NCOA2: variants seen among roughly 807,000 people sequenced by gnomAD.
NCOA2 encodes class E basic helix-loop-helix protein 75.
A neutral mutation model predicts 145.1 loss-of-function variants in NCOA2; 21 were observed. The observed-to-expected ratio is 0.14, with a 90% CI of 0.10 to 0.21. NCOA2 has a LOEUF of 0.21. NCOA2 is among the 10% of genes least tolerant of loss of function. The pLI is 1.00. For synonymous variants in NCOA2, 619 were observed against 637.5 expected (o/e 0.97, Z 0.44); for missense variants, 1,472 against 1,837.6 (o/e 0.80, Z 3.64).
chr8:70,273,804 G>A (rs1825254532), intron 2 of NCOA2: 3 of 576,130 alleles, frequency 5.2e-6, no homozygotes, highest in Admixed American at 1.9e-5. Context: ...AGATCTTGTG[G>A]AGAATTTGGA....
chr8:70,168,988 G>A (rs375182256), intron 6 of NCOA2, among the ~76,000 whole-genome samples: 64 of 152,254 alleles, frequency 4.2e-4, no homozygotes, highest in Middle Eastern at 3.4e-3. Context: ...AAGCTAGCCC[G>A]AATGAAATTT....
At chr8:70,351,032 G>A (rs917354489) in intron 1 of NCOA2, among the ~76,000 whole-genome samples, 3 of 152,192 alleles carry the variant, frequency 2.0e-5, no homozygotes, top group African/African-American at 7.2e-5. Context: ...GAGAGAGCAA[G>A]AGACAGCTAA....
chr8:70,380,720 A>C (rs151197008), intron 1 of NCOA2, among the ~76,000 whole-genome samples: 1 of 152,000 alleles, frequency 6.6e-6, no homozygotes, highest in East Asian at 1.9e-4. Context: ...ACAGCCCAAA[A>C]TTTTGTTCGA....
rs376246287 is a variant in NCOA2 at position 70,214,110 on chromosome 8, G to A, written c.87-35C>T. 2.7e-5 allele frequency: 42 copies of A among 1,558,686 alleles called. No individual in the cohort carries two copies. In the East Asian group the frequency reaches 3.6e-4, roughly 13 times the overall value. On this transcript the variant is annotated intron_variant, in intron 3 of 22. Coordinates refer to ENST00000452400, the MANE Select transcript of NCOA2 (RefSeq NM_006540.4). The stretch of plus-strand genomic sequence containing the variant: ...AGAAACACATTTTTATGATGTATTT[G>A]AAAAAGAGCTATTGTGAAAAAAATG...
At chr8:70,180,327 C>T (rs1349842375) in intron 4 of NCOA2, among the ~76,000 whole-genome samples, 1 of 152,154 alleles carries the variant, frequency 6.6e-6, no homozygotes, top group East Asian at 1.9e-4. Flanking sequence ...CTCGCCTTTT[C>T]CTCCTGGGTG....
chr8:70,206,765 T>C (rs188728412), intron 4 of NCOA2, among the ~76,000 whole-genome samples: 17 of 152,354 alleles, frequency 1.1e-4, no homozygotes, highest in Admixed American at 8.5e-4. Context: ...CATCTTATTC[T>C]ACAGTCTGAC....
intron 1 of NCOA2, among the ~76,000 whole-genome samples, chr8:70,347,191 T>C (rs1808740958): frequency 6.6e-6 from 1 of 151,976 alleles, no homozygotes; most frequent in African/African-American, 2.4e-5. Context: ...TCACTAAAAA[T>C]ACAAAAAAAT....
the NCOA2 span, among the ~76,000 whole-genome samples, chr8:70,439,534 A>G: frequency 6.6e-6 from 1 of 152,216 alleles, no homozygotes; most frequent in Admixed American, 6.5e-5. Flanking sequence ...AAAAAAATTT[A>G]CTGAGCAAGT....
intron 1 of NCOA2, among the ~76,000 whole-genome samples, chr8:70,319,504 T>G (rs987886500): frequency 1.3e-5 from 2 of 150,810 alleles, no homozygotes; most frequent in African/African-American, 2.4e-5. Flanking sequence ...ATGACACCAC[T>G]GCACACTAGC....
At chr8:70,162,911 A>AATT in intron 8 of NCOA2, 57 bp from the exon 9 acceptor site, 2 of 918,184 alleles carry the variant, frequency 2.2e-6, no homozygotes, top group South Asian at 2.3e-5. Context: ...TATGGAAATA[A>AATT]TTTTTTTTTT....
intron 5 of NCOA2, among the ~76,000 whole-genome samples, chr8:70,174,147 G>A (rs772091624): frequency 2.0e-5 from 3 of 152,192 alleles, no homozygotes; most frequent in East Asian, 1.9e-4. Context: ...AGCACTTGGC[G>A]TTTAGTACTA....
In NCOA2 at chr8:70,386,132, G is replaced by A. The variant is rs1812639438; in HGVS notation, c.-77+17568C>T. Among the ~76,000 whole-genome samples, 3 of 152,054 alleles carry A rather than the reference G, an allele frequency of 2.0e-5. No homozygotes were observed. In the South Asian group the frequency reaches 6.2e-4, roughly 32 times the overall value. On this transcript the variant is annotated intron_variant, in intron 1 of 22. Coordinates refer to ENST00000452400, the MANE Select transcript of NCOA2 (RefSeq NM_006540.4). ...CCTCTGTGCTTAGGACCAGACAAAG[G>A]GATCTTCAAGTACTGTTCCCCACTA... is the stretch of plus-strand genomic sequence containing the variant.
At chr8:70,125,259 CTTA>C (rs955907784) in intron 19 of NCOA2, among the ~76,000 whole-genome samples, 17 of 151,836 alleles carry the variant, frequency 1.1e-4, no homozygotes, top group African/African-American at 4.1e-4. Context: ...TTAAATTAAG[CTTA>C]TTATTATTAT....
At chr8:70,371,075 CAGG>C (rs1197627820) in intron 1 of NCOA2, among the ~76,000 whole-genome samples, 2 of 152,094 alleles carry the variant, frequency 1.3e-5, no homozygotes, top group Non-Finnish European at 2.9e-5. Flanking sequence ...ATCACGAGGT[CAGG>C]AGATCAAGAC....
At chr8:70,267,385 CCTTT>C (rs1224788936) in intron 2 of NCOA2, among the ~76,000 whole-genome samples, 1 of 143,876 alleles carries the variant, frequency 7.0e-6, no homozygotes, top group African/African-American at 2.6e-5. Context: ...AGATCTGTTT[CCTTT>C]CTGTTTTTTT....
the NCOA2 span, among the ~76,000 whole-genome samples, chr8:70,415,045 G>A: frequency 6.6e-6 from 1 of 152,210 alleles, no homozygotes; most frequent in East Asian, 1.9e-4. Context: ...GCTCATGCCT[G>A]TAATCCTAAC....
the NCOA2 span, among the ~76,000 whole-genome samples, chr8:70,448,714 T>C: frequency 6.6e-6 from 1 of 152,124 alleles, no homozygotes; most frequent in Non-Finnish European, 1.5e-5. Flanking sequence ...CAATCTTACA[T>C]GTTTTTGCTT....
the NCOA2 span, among the ~76,000 whole-genome samples, chr8:70,439,877 C>T: frequency 2.6e-5 from 4 of 152,192 alleles, no homozygotes; most frequent in Admixed American, 6.5e-5. Context: ...CTCGCCAACC[C>T]GTCTCCACCT....
chr8:70,446,635 C>T, the NCOA2 span, among the ~76,000 whole-genome samples: 11 of 152,232 alleles, frequency 7.2e-5, no homozygotes, highest in Non-Finnish European at 1.3e-4. Flanking sequence ...CTGCCTTTCC[C>T]CCAGAGAGTC....
Sources: gnomAD v4.1 joint callset for allele counts (sites outside exome capture counted in the v4.1 genomes callset) on GRCh38, gnomAD v4.1.1 for gene constraint, MANE v1.5 for transcripts, NCBI Gene and HGNC (gene_info 2026-07-23, HGNC 2026-07-21) for gene names.